Variants in COL21A1 observed in about 807,000 individuals in gnomAD.
COL21A1 encodes the protein collagen type XXI alpha 1 chain, also known as collagen alpha-1(XXI) chain.
A neutral mutation model predicts 137.9 loss-of-function variants in COL21A1; 149 were observed. The ratio of observed to expected loss-of-function variants is 1.08; its 90% CI spans 0.95 to 1.24. COL21A1 has a LOEUF of 1.24. COL21A1 is among the 50% of genes most tolerant of loss of function. The pLI, the probability that COL21A1 is intolerant of heterozygous loss-of-function variation, is 0.00. For synonymous variants in COL21A1, 456 were observed against 391.5 expected (o/e 1.16, Z -1.95); for missense variants, 1,167 against 1,158.4 (o/e 1.01, Z -0.11).
intron 16 of COL21A1, among the ~76,000 whole-genome samples, chr6:56,109,092 A>C (rs1246923045): frequency 6.6e-6 from 1 of 151,824 alleles, no homozygotes; most frequent in Admixed American, 6.6e-5. Flanking sequence ...AAAAATATTC[A>C]GTTTAACTAC....
intron 1 of COL21A1, among the ~76,000 whole-genome samples, chr6:56,269,437 C>CCT (rs1763470380): frequency 6.6e-6 from 1 of 151,636 alleles, no homozygotes; most frequent in Admixed American, 6.6e-5. Flanking sequence ...GGGCGGATCA[C>CCT]GAGGTCAGGA....
intron 1 of COL21A1, among the ~76,000 whole-genome samples, chr6:56,219,227 A>C (rs2152311361): frequency 6.6e-6 from 1 of 150,936 alleles, no homozygotes; most frequent in Middle Eastern, 3.4e-3. Flanking sequence ...AAAAAAAAAA[A>C]AAAAAAAAAA....
chr6:56,099,849 T>C (rs1248640060), intron 17 of COL21A1, among the ~76,000 whole-genome samples: 1 of 152,148 alleles, frequency 6.6e-6, no homozygotes, highest in East Asian at 1.9e-4. Context: ...CCATGCTTAT[T>C]AATACCCTAG....
At position 56,179,819 on chromosome 6, in the gene COL21A1, T is replaced by C. The variant is rs933099600; in HGVS notation, c.399A>G (p.Arg133=). The part of the protein sequence containing the change: ...ALDYLFAKSS[R]FLTKIAVVLT... ...GTACCACTGCTATCTTAGTCAGAAA[T>C]CGTGAGGACTTGGCAAAAAGGTAAT... is the stretch of plus-strand genomic sequence containing the variant. The change falls in exon 3 of 30, where the codon CGA becomes CGG. Residue 133 remains arginine, a synonymous_variant. Transcript: ENST00000244728. The C allele has an allele frequency of 1.0e-4, 163 of 1,613,858 alleles. No homozygotes were observed. Among genetic ancestry groups the C allele is most frequent in the Non-Finnish European group, 1.4e-4 (163 of 1,179,892 alleles).
At chr6:56,186,229 A>T (rs750438914) in intron 1 of COL21A1, among the ~76,000 whole-genome samples, 1 of 152,166 alleles carries the variant, frequency 6.6e-6, no homozygotes, top group Non-Finnish European at 1.5e-5. Flanking sequence ...GTACTTTGGT[A>T]AGAGACTAGA....
chr6:56,171,179 T>A, intron 3 of COL21A1, 51 bp from the exon 4 acceptor site: 2 of 1,350,590 alleles, frequency 1.5e-6, no homozygotes, highest in African/African-American at 2.9e-5. Context: ...ATTCAAACAA[T>A]AAAAGAAAAA....
intron 1 of COL21A1, among the ~76,000 whole-genome samples, chr6:56,390,150 TATAA>T (rs1276637656): frequency 2.6e-5 from 4 of 151,578 alleles, no homozygotes; most frequent in Non-Finnish European, 4.4e-5. Flanking sequence ...TATAAAAAGA[TATAA>T]ATAGAGACAA....
At chr6:56,073,739 T>G (rs1381328423) in intron 20 of COL21A1, among the ~76,000 whole-genome samples, 1 of 151,498 alleles carries the variant, frequency 6.6e-6, no homozygotes, top group African/African-American at 2.4e-5. Context: ...CCTAAATATA[T>G]TTGTTAAGCT....
At chr6:56,267,479 A>T (rs1182279440) in intron 1 of COL21A1, among the ~76,000 whole-genome samples, 4 of 152,190 alleles carry the variant, frequency 2.6e-5, no homozygotes, top group African/African-American at 9.7e-5. Context: ...CCTCCTGGCC[A>T]GGCACAGTGA....
chr6:56,231,924 C>CA (rs1209959935), intron 1 of COL21A1, among the ~76,000 whole-genome samples: 1 of 151,736 alleles, frequency 6.6e-6, no homozygotes, highest in African/African-American at 2.4e-5. Context: ...ACAAGCACTT[C>CA]AAAAATCCAA....
At chr6:56,325,651 A>C (rs1411547998) in intron 1 of COL21A1, among the ~76,000 whole-genome samples, 2 of 680 alleles carry the variant, frequency 2.9e-3, no homozygotes, top group African/African-American at 3.1e-3. Context: ...ATAATATAAT[A>C]TATTATATAT....
intron 1 of COL21A1, among the ~76,000 whole-genome samples, chr6:56,191,049 C>T: frequency 6.6e-6 from 1 of 152,148 alleles, no homozygotes; most frequent in East Asian, 1.9e-4. Context: ...CGTCACAAGA[C>T]AAGGATGCCC....
chr6:56,237,319 T>C (rs1781969459), intron 1 of COL21A1, among the ~76,000 whole-genome samples: 1 of 152,070 alleles, frequency 6.6e-6, no homozygotes, highest in Non-Finnish European at 1.5e-5. Context: ...TGTCTAAGCA[T>C]TGGCAATACA....
intron 1 of COL21A1, among the ~76,000 whole-genome samples, chr6:56,306,202 A>ATGTG (rs1415292925): frequency 2.1e-5 from 3 of 140,756 alleles, no homozygotes; most frequent in African/African-American, 7.7e-5. Context: ...TCTGACAATT[A>ATGTG]TGTGTCTTGG....
chr6:56,327,770 T>G (rs1765129993), intron 1 of COL21A1, among the ~76,000 whole-genome samples: 1 of 152,092 alleles, frequency 6.6e-6, no homozygotes, highest in African/African-American at 2.4e-5. Flanking sequence ...TTGTCCTGCC[T>G]AAGCTTAGGT....
chr6:56,241,018 C>T (rs1782282529), intron 1 of COL21A1, among the ~76,000 whole-genome samples: 1 of 152,126 alleles, frequency 6.6e-6, no homozygotes, highest in African/African-American at 2.4e-5. Flanking sequence ...CAACCCTGCT[C>T]CCTCCCCATT....
chr6:56,272,149 A>T (rs1326256436), intron 1 of COL21A1, among the ~76,000 whole-genome samples: 1 of 152,350 alleles, frequency 6.6e-6, no homozygotes, highest in East Asian at 1.9e-4. Context: ...GCTTGCACCA[A>T]GCATCTGGAA....
intron 16 of COL21A1, among the ~76,000 whole-genome samples, chr6:56,121,706 T>C (rs1390942994): frequency 2.0e-5 from 3 of 151,724 alleles, no homozygotes; most frequent in Admixed American, 2.0e-4. Context: ...GGTGGAGATG[T>C]TGATCATGGG....
chr6:56,158,253 C>CACT (rs1775911137), intron 9 of COL21A1, among the ~76,000 whole-genome samples: 3 of 104,908 alleles, frequency 2.9e-5, no homozygotes, highest in Non-Finnish European at 5.4e-5. Flanking sequence ...TGGGTTTTTT[C>CACT]TTTTTTTTTT....
Sources: gnomAD v4.1 joint callset for allele counts (sites outside exome capture counted in the v4.1 genomes callset) on GRCh38, gnomAD v4.1.1 for gene constraint, MANE v1.5 for transcripts, NCBI Gene and HGNC (gene_info 2026-07-23, HGNC 2026-07-21) for gene names.